The following ERBB4 variants were observed in gnomAD, a reference collection of about 807,000 sequenced individuals.
The protein encoded by ERBB4 is erb-b2 receptor tyrosine kinase 4, also known as receptor tyrosine-protein kinase erbB-4.
A neutral mutation model predicts 158.0 loss-of-function variants in ERBB4; 42 were observed. The ratio of observed to expected loss-of-function variants is 0.27; its 90% CI spans 0.21 to 0.34. ERBB4 has a LOEUF of 0.34. ERBB4 is among the 10% of genes least tolerant of loss of function. The pLI is 1.00. For synonymous variants in ERBB4, 583 were observed against 558.7 expected, an observed-to-expected ratio of 1.04 and a Z score of -0.61; for missense variants, 1,333 against 1,624.1, an observed-to-expected ratio of 0.82 and a Z score of 3.08.
intron 19 of ERBB4, among the ~76,000 whole-genome samples, chr2:211,582,804 C>T (rs6732573): frequency 3.2e-3 from 484 of 152,216 alleles, no homozygotes; most frequent in Non-Finnish European, 5.7e-3. Flanking sequence ...CATAACCTAA[C>T]ATTTACTTCA....
At chr2:211,468,485 G>A (rs534885413) in intron 20 of ERBB4, among the ~76,000 whole-genome samples, 3 of 152,140 alleles carry the variant, frequency 2.0e-5, no homozygotes, top group Admixed American at 6.6e-5. Flanking sequence ...GAACAGCACC[G>A]TGCTTATAGG....
intron 22 of ERBB4, among the ~76,000 whole-genome samples, chr2:211,426,125 A>AATAAACAAACAAACAGCAACATAT (rs59567054): frequency 1.4e-3 from 213 of 152,042 alleles, no homozygotes; most frequent in Middle Eastern, 3.4e-3. Context: ...TAGAAAATAT[A>AATAAACAAACAAACAGCAACATAT]AAATACAAAA....
At chr2:211,595,658 C>CAACA (rs1312927748) in intron 19 of ERBB4, among the ~76,000 whole-genome samples, 1 of 152,130 alleles carries the variant, frequency 6.6e-6, no homozygotes, top group East Asian at 1.9e-4. Flanking sequence ...CTCTGAAGAA[C>CAACA]AACAGCCCAT....
At chr2:211,759,877 G>A (rs1049210024) in intron 4 of ERBB4, among the ~76,000 whole-genome samples, 1 of 151,402 alleles carries the variant, frequency 6.6e-6, no homozygotes. Flanking sequence ...ATACAGTTTT[G>A]TCATCTGCTA....
chr2:212,490,255 C>G (rs967585400), intron 1 of ERBB4, among the ~76,000 whole-genome samples: 4 of 151,838 alleles, frequency 2.6e-5, no homozygotes, highest in African/African-American at 7.2e-5. Flanking sequence ...TACATCTTAT[C>G]CATTGTTTCA....
chr2:212,434,513 T>C (rs2092095566), intron 1 of ERBB4, among the ~76,000 whole-genome samples: 1 of 150,974 alleles, frequency 6.6e-6, no homozygotes, highest in African/African-American at 2.4e-5. Context: ...GGGGTAAGAG[T>C]AGGGGGAGTG....
intron 19 of ERBB4, among the ~76,000 whole-genome samples, chr2:211,611,934 C>A (rs1319057858): frequency 6.6e-6 from 1 of 152,104 alleles, no homozygotes; most frequent in Non-Finnish European, 1.5e-5. Context: ...TGGCCTATTG[C>A]ATGCATAGGA....
At chr2:211,423,576 G>A (rs1040908611) in intron 23 of ERBB4, among the ~76,000 whole-genome samples, 10 of 148,748 alleles carry the variant, frequency 6.7e-5, no homozygotes, top group African/African-American at 2.1e-4. Flanking sequence ...AAAAAGAAAA[G>A]TAAGAGTTTG....
chr2:212,474,929 A>G (rs1446529170), intron 1 of ERBB4, among the ~76,000 whole-genome samples: 3 of 146,798 alleles, frequency 2.0e-5, no homozygotes, highest in Non-Finnish European at 4.4e-5. Flanking sequence ...AGCAGGGACC[A>G]CTGGCTCACA....
intron 25 of ERBB4, among the ~76,000 whole-genome samples, chr2:211,418,270 A>G (rs1417836164): frequency 6.6e-6 from 1 of 152,178 alleles, no homozygotes; most frequent in Non-Finnish European, 1.5e-5. Flanking sequence ...CATGTAGGAA[A>G]GAAAGGAGGA....
intron 1 of ERBB4, among the ~76,000 whole-genome samples, chr2:212,326,618 A>C (rs375027812): frequency 6.6e-6 from 1 of 150,832 alleles, no homozygotes; most frequent in South Asian, 2.1e-4. Flanking sequence ...TAGAAATGCT[A>C]TTTTATATAA....
intron 19 of ERBB4, among the ~76,000 whole-genome samples, chr2:211,588,538 C>T (rs1357198595): frequency 6.6e-6 from 1 of 151,956 alleles, no homozygotes; most frequent in Non-Finnish European, 1.5e-5. Context: ...TAAATTATTA[C>T]TATTGTAACT....
rs532009895 is a variant in ERBB4 at position 212,455,537 on chromosome 2, T to C, written c.82+82912A>G. On this transcript the variant is annotated intron_variant, in intron 1 of 27. Transcript: ENST00000342788. ...TGAATGAGAAACTGAATATTTTATT[T>C]TGACACTCTAAATTCCTTCACCTTA... Among the ~76,000 whole-genome samples the C allele has an allele frequency of 2.7e-5, 4 of 147,860 alleles. No homozygotes were observed. In the East Asian group the frequency reaches 7.7e-4, roughly 29 times the overall value.
At chr2:212,236,929 A>C (rs1456988814) in intron 1 of ERBB4, among the ~76,000 whole-genome samples, 1 of 151,968 alleles carries the variant, frequency 6.6e-6, no homozygotes. Context: ...TCCTGGATTC[A>C]TTGCTTTTTT....
chr2:211,907,100 A>G (rs1273739206), intron 3 of ERBB4, among the ~76,000 whole-genome samples: 2 of 151,816 alleles, frequency 1.3e-5, no homozygotes, highest in Non-Finnish European at 2.9e-5. Flanking sequence ...AGCGAGATTA[A>G]CTGATACATT....
intron 1 of ERBB4, among the ~76,000 whole-genome samples, chr2:212,217,627 C>T (rs904846118): frequency 2.6e-5 from 4 of 151,106 alleles, no homozygotes; most frequent in African/African-American, 4.8e-5. Context: ...GATTTCTCAC[C>T]GTGACAATCT....
At chr2:211,931,476 T>C (rs2080174429) in intron 3 of ERBB4, among the ~76,000 whole-genome samples, 2 of 152,034 alleles carry the variant, frequency 1.3e-5, no homozygotes, top group Non-Finnish European at 2.9e-5. Context: ...CACCGTTCTC[T>C]GCTGAATTGG....
At chr2:211,994,667 T>C (rs143870370) in intron 2 of ERBB4, among the ~76,000 whole-genome samples, 138 of 152,216 alleles carry the variant, frequency 9.1e-4, no homozygotes, top group Admixed American at 2.3e-3. Flanking sequence ...CTATATAGAA[T>C]TCATCAGTTT....
At chr2:212,451,154 G>A (rs548111753) in intron 1 of ERBB4, among the ~76,000 whole-genome samples, 1 of 152,232 alleles carries the variant, frequency 6.6e-6, no homozygotes, top group South Asian at 2.1e-4. Flanking sequence ...CAGTTGGGGA[G>A]AAGGCCGTGA....
Sources: gnomAD v4.1 joint callset for allele counts (sites outside exome capture counted in the v4.1 genomes callset) on GRCh38, gnomAD v4.1.1 for gene constraint, MANE v1.5 for transcripts, NCBI Gene and HGNC (gene_info 2026-07-23, HGNC 2026-07-21) for gene names.